The following ATG16L2 variants were observed in gnomAD, a reference collection of about 807,000 sequenced individuals.
ATG16L2 encodes autophagy related 16 like 2, also known as protein Atg16l2.
ATG16L2 carries 77 observed loss-of-function variants against 84.7 expected under a neutral mutation model. That is an observed-to-expected ratio of 0.91 (90% CI 0.76 to 1.10). The LOEUF (loss-of-function observed/expected upper bound fraction) is 1.10, where lower values mean the gene tolerates loss of function less well. Among genes scored for constraint, ATG16L2 ranks in the 50% least tolerant of loss-of-function variants. The probability of loss-of-function intolerance (pLI) is 0.00; values close to 1 mark genes in which losing one functional copy is unlikely to be tolerated. For missense variants in ATG16L2, 782 were observed against 817.6 expected (o/e 0.96, Z 0.53); for synonymous variants, 361 against 342.8 (o/e 1.05, Z -0.59).
At chr11:72,820,868 G>A (rs1442844366) in intron 3 of ATG16L2, among the ~76,000 whole-genome samples, 5 of 152,130 alleles carry the variant, frequency 3.3e-5, no homozygotes, top group South Asian at 2.1e-4. Context: ...CGAGTGAGGC[G>A]GGAGTGCAGA....
chr11:72,826,395 T>TC, intron 11 of ATG16L2, 123 bp from the exon 12 acceptor site: 1 of 1,453,904 alleles, frequency 6.9e-7, no homozygotes. Flanking sequence ...GGCCGGAGGC[T>TC]CCTTTGCCTG....
exon 6 of ATG16L2, chr11:72,842,643 G>A: frequency 6.2e-7 from 1 of 1,614,004 alleles, no homozygotes; most frequent in Non-Finnish European, 8.5e-7. Context: ...CATCCATGGA[G>A]TGTCACCATT....
intron 12 of ATG16L2, 26 bp from the exon 13 acceptor site, chr11:72,826,677 G>C: frequency 6.2e-7 from 1 of 1,614,072 alleles, no homozygotes; most frequent in Non-Finnish European, 8.5e-7. Flanking sequence ...CCAAACTCTT[G>C]ATCCGTACCT....
intron 4 of ATG16L2, 111 bp downstream of exon 4, chr11:72,821,852 C>T (rs762235242): frequency 2.8e-4 from 409 of 1,447,968 alleles, no homozygotes; most frequent in Non-Finnish European, 3.5e-4. Flanking sequence ...CCTACGTCCC[C>T]CCGACCCCAT....
chr11:72,834,845 A>G (rs966397699), intron 5 of ATG16L2, among the ~76,000 whole-genome samples: 1 of 152,154 alleles, frequency 6.6e-6, no homozygotes, highest in African/African-American at 2.4e-5. Flanking sequence ...TTGGCCTCCC[A>G]AAGTGCTGGG....
chr11:72,828,785 G>A lies in ATG16L2; in HGVS notation c.1670+9G>A, dbSNP rs945044606. 8.1e-6 allele frequency: 13 copies of A among 1,614,068 alleles called. No homozygotes were observed. The highest frequency in any genetic ancestry group is 1.6e-4 in the Middle Eastern group (1 of 6,084). ...ACCAAAGCTGTGTTCAGGTATGTCC[G>A]TGAGAGCATATGCCTGTGTCCAAGT... On this transcript the variant is annotated intron_variant, in intron 16 of 17. Coordinates refer to ENST00000321297, the MANE Select transcript of ATG16L2 (RefSeq NM_033388.2).
In ATG16L2 at chr11:72,822,897, G is replaced by GCT. The variant is rs1302850396; in HGVS notation, c.763_764dup (p.Ala256TrpfsTer28). On this transcript the variant is annotated frameshift_variant, in exon 7 of 18. Transcript: ENST00000321297. LOFTEE classifies it high-confidence loss of function. The surrounding 1 kb of genome is among the most constrained non-coding windows in gnomAD (Gnocchi z 4.2). The stretch of plus-strand genomic sequence containing the variant: ...GATGAGGGAGAGAAGGGAGACTCTG[G>GCT]CTCTGGCCCCTGAGCCAGAGCCCCT... The GCT allele has an allele frequency of 6.3e-7, 1 of 1,579,062 alleles. No individual in the cohort carries two copies. Among genetic ancestry groups the GCT allele is most frequent in the South Asian group, 1.2e-5 (1 of 86,248 alleles).
intron 8 of ATG16L2, 59 bp downstream of exon 8, chr11:72,824,181 C>A: frequency 6.2e-7 from 1 of 1,604,340 alleles, no homozygotes; most frequent in Non-Finnish European, 8.5e-7. Context: ...CCAGCCCAGG[C>A]TTGGTCTGTG....
In ATG16L2 at chr11:72,843,152, A is replaced by T. The variant is rs772574751; in HGVS notation, c.*557A>T. On this transcript the variant is annotated 3_prime_UTR_variant, in exon 6 of 6. Transcript: ENST00000534905. ...AGAGTGCCTTGTTTCAGTCTTTACC[A>T]CTGGCATCTCCGTTGAGGCTGCCTG... is the stretch of plus-strand genomic sequence containing the variant. The T allele has an allele frequency of 2.5e-6, 4 of 1,613,820 alleles. No homozygotes were observed. In the South Asian group the frequency reaches 3.3e-5, roughly 13 times the overall value.
rs754040049 is a variant in ATG16L2 at position 72,829,419 on chromosome 11, CT to C, written c.*30del. 111 of 1,599,928 alleles carry C rather than the reference CT, an allele frequency of 6.9e-5. No individual in the cohort carries two copies. Among genetic ancestry groups the C allele is most frequent in the Non-Finnish European group, 9.1e-5 (107 of 1,171,866 alleles). On this transcript the variant is annotated 3_prime_UTR_variant, in exon 18 of 18. Transcript: ENST00000321297. ...CACGACCTGCCTGCCTGGGCTGGAG[CT>C]CTTGCCCGAAGCCTGAAGCTTCCTT... is the stretch of plus-strand genomic sequence containing the variant.
chr11:72,817,577 G>T (rs1859765095), intron 2 of ATG16L2, among the ~76,000 whole-genome samples, 179 bp from the exon 3 acceptor site: 1 of 152,234 alleles, frequency 6.6e-6, no homozygotes, highest in African/African-American at 2.4e-5. Context: ...TAGAGCAGAG[G>T]AGTCATGGAC....
chr11:72,825,100 G>A (rs1860262222), intron 9 of ATG16L2, among the ~76,000 whole-genome samples: 2 of 152,140 alleles, frequency 1.3e-5, no homozygotes, highest in South Asian at 4.1e-4. Flanking sequence ...ATAGCACGGA[G>A]GCTGCTGCAG....
At chr11:72,821,594 A>G (rs530465127) in intron 3 of ATG16L2, 74 bp from the exon 4 acceptor site, 5 of 1,505,398 alleles carry the variant, frequency 3.3e-6, no homozygotes, top group East Asian at 4.9e-5. Flanking sequence ...CGACTCCCTT[A>G]GCGCCTTCGG....
At chr11:72,837,991 C>T (rs1860786133) in intron 5 of ATG16L2, 1 of 152,090 alleles carries the variant, frequency 6.6e-6, no homozygotes, top group Non-Finnish European at 1.5e-5. Context: ...TGAAAAATAC[C>T]CAAATACAAA....
rs561699506 is a variant in ATG16L2 at position 72,836,161 on chromosome 11, TGG to T, written c.*22-6453_*22-6452del. On this transcript the variant is annotated intron_variant, in intron 5 of 5. Coordinates refer to the ATG16L2 transcript ENST00000534905. ...CAGCTCCAGGAAAGAGGAGAGCTTG[TGG>T]GGCCCTTCCCCAAACAGGCTGTGTC... is the stretch of plus-strand genomic sequence containing the variant. Among the ~76,000 whole-genome samples the T allele has an allele frequency of 4.5e-3, 687 of 152,334 alleles. 4 individuals carry two copies. The highest frequency in any genetic ancestry group is 0.016 in the African/African-American group (653 of 41,574).
chr11:72,822,294 C>A lies in ATG16L2; in HGVS notation c.643C>A (p.Arg215=), dbSNP rs914060033. The A allele has an allele frequency of 6.6e-7, 1 of 1,512,344 alleles. No homozygotes were observed. 93.7% of individuals were successfully genotyped at this position (1,512,344 alleles called of 1,614,324 possible). A position where few individuals can be genotyped will look rare whatever the true frequency, so the allele number is the denominator to read the frequency against. ...ERNLRNERRE[R]AKQARVSQEL... ...CAACCTGCGCAACGAGCGCCGGGAG[C>A]GGTGAGGGAGCAGGCCCCGCCCCTC... Residue 215 remains arginine, a splice_region_variant and synonymous_variant, in exon 5 of 18, where the codon CGG becomes AGG. Coordinates refer to ENST00000321297, the MANE Select transcript of ATG16L2 (RefSeq NM_033388.2). The surrounding 1 kb of genome is among the most constrained non-coding windows in gnomAD (Gnocchi z 4.2).
chr11:72,842,810 CTCATAA>C, exon 6 of ATG16L2: 2 of 1,613,900 alleles, frequency 1.2e-6, no homozygotes, highest in Non-Finnish European at 1.7e-6. Flanking sequence ...CTGTCTGGCC[CTCATAA>C]TCATAAAGTG....
In ATG16L2 at chr11:72,841,463, A is replaced by C. The variant is rs1278133133; in HGVS notation, c.*22-1154A>C. On this transcript the variant is annotated intron_variant, in intron 5 of 5. Coordinates refer to the ATG16L2 transcript ENST00000534905. ...CCAGGAGAACCCTTACCGTTTGCTGAAGGAGACCGGGGAAAGTACAGGGAG... is the reference window on the plus strand; with the variant it reads ...CCAGGAGAACCCTTACCGTTTGCTGCAGGAGACCGGGGAAAGTACAGGGAG... 1 of 1,610,374 alleles carries C rather than the reference A, an allele frequency of 6.2e-7. No homozygotes were observed. Among genetic ancestry groups the C allele is most frequent in the East Asian group, 2.2e-5 (1 of 44,798 alleles).
Position 72,817,848 on chromosome 11 carries a change from G to A in ATG16L2, c.311G>A (p.Cys104Tyr), listed in dbSNP as rs1286099261. ...GAGGAGGAGGGGCTCCGGCTGGTCT[G>A]TGGTGAGGTAAGTTGGGAAGGGGTC... is the stretch of plus-strand genomic sequence containing the variant. ...QEEEEGLRLV[C>Y]GEMAYQVVEK... The change falls in exon 3 of 18, where the codon TGT becomes TAT. Residue 104 changes from cysteine (C) to tyrosine (Y), a missense_variant. Coordinates refer to ENST00000321297, the MANE Select transcript of ATG16L2 (RefSeq NM_033388.2). 9.9e-6 allele frequency: 16 copies of A among 1,609,922 alleles called. No homozygotes were observed. Among genetic ancestry groups the A allele is most frequent in the Non-Finnish European group, 1.4e-5 (16 of 1,179,866 alleles).
Sources: allele counts gnomAD v4.1 joint callset (sites outside exome capture counted in the v4.1 genomes callset), GRCh38; gene constraint gnomAD v4.1.1; non-coding constraint Gnocchi (gnomAD v3.1); transcripts MANE v1.5; gene names NCBI Gene and HGNC (gene_info 2026-07-23, HGNC 2026-07-21).